Variants in ELMO1 observed in about 807,000 individuals in gnomAD.
The protein encoded by ELMO1 is engulfment and cell motility 1, also known as engulfment and cell motility protein 1.
ELMO1 carries 26 observed loss-of-function variants against 98.9 expected under a neutral mutation model. The ratio of observed to expected loss-of-function variants is 0.26; its 90% CI spans 0.19 to 0.36. The LOEUF is 0.36. Ranked by LOEUF, ELMO1 falls within the 10% of genes least tolerant of loss-of-function variation. ELMO1 has a pLI of 1.00. For synonymous variants in ELMO1, 346 were observed against 346.0 expected, an observed-to-expected ratio of 1.00 and a Z score of 0.00; for missense variants, 627 against 935.2, an observed-to-expected ratio of 0.67 and a Z score of 4.30.
chr7:37,243,667 C>CA (rs1794861929), intron 7 of ELMO1, among the ~76,000 whole-genome samples: 1 of 152,144 alleles, frequency 6.6e-6, no homozygotes. Flanking sequence ...ATAAGGTTCA[C>CA]ACTTTGAGAC....
intron 16 of ELMO1, among the ~76,000 whole-genome samples, chr7:36,989,954 A>G (rs1791762852): frequency 6.6e-6 from 1 of 152,184 alleles, no homozygotes; most frequent in Non-Finnish European, 1.5e-5. Context: ...AGATAATTTT[A>G]TATTAGCCTT....
intron 1 of ELMO1, among the ~76,000 whole-genome samples, chr7:37,390,714 C>G (rs1803032102): frequency 6.6e-6 from 1 of 152,122 alleles, no homozygotes; most frequent in African/African-American, 2.4e-5. Context: ...AAATGGAAAC[C>G]AAGGCTCCGC....
At chr7:37,188,433 CACACACACACACACACACGCAA>C (rs1250013247) in intron 13 of ELMO1, among the ~76,000 whole-genome samples, 6,126 of 49,252 alleles carry the variant, frequency 0.12, 184 homozygotes, top group African/African-American at 0.2. Context: ...CACACACACA[CACACACACACACACACACGCAA>C]ACACACACAC....
intron 13 of ELMO1, among the ~76,000 whole-genome samples, chr7:37,208,637 G>A (rs890391854): frequency 5.3e-5 from 8 of 152,074 alleles, no homozygotes; most frequent in Non-Finnish European, 7.4e-5. Context: ...AGCTTTCAGC[G>A]TTTTTGCAAG....
intron 7 of ELMO1, among the ~76,000 whole-genome samples, chr7:37,234,562 G>T (rs766485561): frequency 6.6e-6 from 1 of 152,190 alleles, no homozygotes; most frequent in Admixed American, 6.5e-5. Context: ...CCAGCTAAAC[G>T]AAAACGGCTA....
At chr7:37,334,172 C>T (rs1800272031) in intron 2 of ELMO1, among the ~76,000 whole-genome samples, 1 of 152,174 alleles carries the variant, frequency 6.6e-6, no homozygotes, top group Non-Finnish European at 1.5e-5. Context: ...CAGAAGCAAG[C>T]TCAGGAGCCC....
At chr7:37,223,193 G>A (rs183045350) in intron 9 of ELMO1, among the ~76,000 whole-genome samples, 1 of 152,244 alleles carries the variant, frequency 6.6e-6, no homozygotes, top group Admixed American at 6.5e-5. Context: ...AAAAGAACAG[G>A]TGTTTGTTTA....
chr7:37,261,873 A>T (rs1488504265), intron 5 of ELMO1, among the ~76,000 whole-genome samples: 2 of 152,144 alleles, frequency 1.3e-5, no homozygotes, highest in African/African-American at 4.8e-5. Flanking sequence ...AAGTGCTGGG[A>T]TTACAGGCGT....
intron 15 of ELMO1, among the ~76,000 whole-genome samples, chr7:37,046,491 CAAAG>C (rs1241904850): frequency 6.6e-6 from 1 of 152,080 alleles, no homozygotes; most frequent in Admixed American, 6.5e-5. Context: ...TTGAGTTGGC[CAAAG>C]AAAGAACCCC....
intron 2 of ELMO1, among the ~76,000 whole-genome samples, chr7:37,323,029 G>A (rs1009167675): frequency 6.6e-6 from 1 of 152,120 alleles, no homozygotes; most frequent in African/African-American, 2.4e-5. Context: ...TATGTGCGGG[G>A]ATCAAGGCCC....
chr7:36,993,869 G>GAA (rs1792026599), intron 16 of ELMO1, among the ~76,000 whole-genome samples: 1 of 152,174 alleles, frequency 6.6e-6, no homozygotes, highest in African/African-American at 2.4e-5. Context: ...TCCACACAAT[G>GAA]AAAAGCATGA....
intron 16 of ELMO1, among the ~76,000 whole-genome samples, chr7:36,936,614 T>C (rs1786554414): frequency 6.6e-6 from 1 of 152,120 alleles, no homozygotes; most frequent in Admixed American, 6.6e-5. Flanking sequence ...TGCACCATCA[T>C]GCCTGGCTAA....
chr7:37,013,555 T>C (rs1040484930), intron 15 of ELMO1, 120 bp from the exon 16 acceptor site: 4 of 1,225,856 alleles, frequency 3.3e-6, no homozygotes, highest in South Asian at 1.6e-5. Flanking sequence ...CAGGCAATAA[T>C]GGTGAAAAAG....
intron 16 of ELMO1, among the ~76,000 whole-genome samples, chr7:36,995,689 A>G (rs1403745695): frequency 6.6e-6 from 1 of 152,222 alleles, no homozygotes; most frequent in African/African-American, 2.4e-5. Flanking sequence ...AAATGTATCC[A>G]TAAATTAATT....
At chr7:37,220,664 G>A (rs1400187019) in intron 10 of ELMO1, among the ~76,000 whole-genome samples, 1 of 152,176 alleles carries the variant, frequency 6.6e-6, no homozygotes, top group African/African-American at 2.4e-5. Flanking sequence ...CCATGGTCAT[G>A]AGAGTCCAAT....
In ELMO1 at chr7:37,244,410, AC is replaced by A. The variant is rs1794897353; in HGVS notation, c.414-20del. ...GTATCGCCTGCAAAATTTAAAAACA[AC>A]CATGTGAGGAGCATACTTAAAAGCA... On this transcript the variant is annotated intron_variant, in intron 6 of 21. Transcript: ENST00000310758. 4 of 1,612,048 alleles carry A rather than the reference AC, an allele frequency of 2.5e-6. No individual in the cohort carries two copies. Among genetic ancestry groups the A allele is most frequent in the Non-Finnish European group, 2.5e-6 (3 of 1,179,532 alleles).
chr7:37,356,659 A>G (rs1036338099), intron 1 of ELMO1, among the ~76,000 whole-genome samples: 2 of 152,020 alleles, frequency 1.3e-5, no homozygotes, highest in Non-Finnish European at 1.5e-5. Flanking sequence ...TACCTAATAT[A>G]GATGACAGGT....
At chr7:36,905,618 T>C (rs1399623867) in intron 16 of ELMO1, among the ~76,000 whole-genome samples, 1 of 152,374 alleles carries the variant, frequency 6.6e-6, no homozygotes, top group East Asian at 1.9e-4. Flanking sequence ...GATCTGATAC[T>C]CAATCACTGC....
chr7:37,210,989 T>G (rs1792930445), intron 13 of ELMO1: 1 of 169,706 alleles, frequency 5.9e-6, no homozygotes, highest in Non-Finnish European at 1.3e-5. Flanking sequence ...GACTTTCAAT[T>G]TGACTTTGAT....
Sources: gnomAD v4.1 joint callset for allele counts (sites outside exome capture counted in the v4.1 genomes callset) on GRCh38, gnomAD v4.1.1 for gene constraint, MANE v1.5 for transcripts, NCBI Gene and HGNC (gene_info 2026-07-23, HGNC 2026-07-21) for gene names.